Variants in UGT2A1 observed in about 807,000 individuals in gnomAD.
The protein encoded by UGT2A1 is UDP glucuronosyltransferase family 2 member A1 complex locus, also known as UDP-glucuronosyltransferase 2A1.
A neutral mutation model predicts 45.4 loss-of-function variants in UGT2A1; 61 were observed. That is an observed-to-expected ratio of 1.34 (90% CI 1.09 to 1.66). The LOEUF is 1.66. Among genes scored for constraint, UGT2A1 ranks in the 40% most tolerant of loss-of-function variants. The pLI is 0.00. For synonymous variants in UGT2A1, 229 were observed against 196.2 expected, an observed-to-expected ratio of 1.17 and a Z score of -1.40; for missense variants, 649 against 574.3, an observed-to-expected ratio of 1.13 and a Z score of -1.33.
chr4:69,589,213 G>T lies in UGT2A1; in HGVS notation c.*159C>A. On this transcript the variant is annotated 3_prime_UTR_variant, in exon 7 of 7. Coordinates refer to ENST00000286604, the MANE Select transcript of UGT2A1 (RefSeq NM_001252275.3). ...TAATAATAATCATGCCAAAATCTAG[G>T]CTTTATCAGTAGGCTTATCGCAGGT... The T allele has an allele frequency of 1.1e-6, 1 of 934,602 alleles. No individual in the cohort carries two copies. Among genetic ancestry groups the T allele is most frequent in the Non-Finnish European group, 1.5e-6 (1 of 671,604 alleles). 57.9% of individuals were successfully genotyped at this position (934,602 alleles called of 1,614,324 possible).
chr4:69,599,791 G>A, intron 3 of UGT2A1: 1 of 157,392 alleles, frequency 6.4e-6, no homozygotes, highest in Non-Finnish European at 1.4e-5. Context: ...AAGGAGGGAG[G>A]ATTTTTTGTT....
chr4:69,618,021 G>T (rs940464928), intron 3 of UGT2A1, among the ~76,000 whole-genome samples: 1 of 151,736 alleles, frequency 6.6e-6, no homozygotes, highest in African/African-American at 2.4e-5. Flanking sequence ...AATTTTCCAG[G>T]CCTTAAGAAT....
rs1410715062 is a variant in UGT2A1 at position 69,646,936 on chromosome 4, C to T, written c.709G>A (p.Ala237Thr). 2 of 1,574,576 alleles carry T rather than the reference C, an allele frequency of 1.3e-6. No homozygotes were observed. Among genetic ancestry groups the T allele is most frequent in the Non-Finnish European group, 1.7e-6 (2 of 1,164,656 alleles). The change falls in exon 2 of 7, where the codon GCT (alanine) becomes ACT (threonine). Residue 237 changes from alanine to threonine, a missense_variant. Transcript: ENST00000286604. ...AACAAAATTTGTTACATACCTAAAG[C>T]TTTACTATAGTATGAATCCCATGAT... The part of the protein sequence containing the change: ...WKSWDSYYSK[A>T]LGGLLLCCPG...
chr4:69,595,030 A>C, intron 5 of UGT2A1, 132 bp downstream of exon 5: 2 of 1,287,140 alleles, frequency 1.6e-6, no homozygotes, highest in Admixed American at 2.1e-5. Context: ...TTATGTAATT[A>C]TATCTGCTTT....
intron 3 of UGT2A1, among the ~76,000 whole-genome samples, chr4:69,601,374 T>G (rs1388080434): frequency 3.3e-5 from 5 of 152,108 alleles, no homozygotes; most frequent in Admixed American, 1.3e-4. Context: ...GGGAGCTCCA[T>G]GCCCTTCCCC....
chr4:69,611,390 C>A (rs530408492), intron 3 of UGT2A1, among the ~76,000 whole-genome samples: 7 of 151,502 alleles, frequency 4.6e-5, no homozygotes, highest in African/African-American at 1.5e-4. Flanking sequence ...ATAGAGGTAA[C>A]ATTATAGTCT....
chr4:69,627,648 A>G (rs544644969), intron 3 of UGT2A1, among the ~76,000 whole-genome samples: 1 of 151,940 alleles, frequency 6.6e-6, no homozygotes, highest in Non-Finnish European at 1.5e-5. Flanking sequence ...CCTAAGGCCA[A>G]TTCAAACTGT....
chr4:69,599,198 A>C, intron 4 of UGT2A1, 48 bp downstream of exon 4: 3 of 1,546,880 alleles, frequency 1.9e-6, no homozygotes, highest in Non-Finnish European at 2.6e-6. Flanking sequence ...AAGAAAATTA[A>C]GTATTTTATT....
At chr4:69,626,024 C>T (rs1721036397) in intron 3 of UGT2A1, among the ~76,000 whole-genome samples, 1 of 151,632 alleles carries the variant, frequency 6.6e-6, no homozygotes, top group South Asian at 2.1e-4. Context: ...CTAATTCTAT[C>T]ATGTATGTCA....
chr4:69,601,431 T>C (rs2109895107), intron 3 of UGT2A1, among the ~76,000 whole-genome samples: 1 of 152,126 alleles, frequency 6.6e-6, no homozygotes, highest in East Asian at 1.9e-4. Flanking sequence ...AGCACAAAAC[T>C]CACTTCTACC....
In UGT2A1 at chr4:69,605,740, T is replaced by C. The variant is rs1045682614; in HGVS notation, c.848-6346A>G. 2.2e-3 allele frequency among the ~76,000 whole-genome samples: 304 copies of C among 136,178 alleles called. 60 individuals are homozygous for C. Among genetic ancestry groups the C allele is most frequent in the Non-Finnish European group, 1.5e-3 (96 of 64,084 alleles). The allele number at this position is 136,178 out of a possible 152,430, so 89.3% of individuals were successfully genotyped here. A position where few individuals can be genotyped will look rare whatever the true frequency, so the allele number is the denominator to read the frequency against. On this transcript the variant is annotated intron_variant, in intron 3 of 6. Transcript: ENST00000286604. ...ATGCAATAAAAAATGATAAAGGGGA[T>C]ATCACCACCGATCCCACAGAAATAC...
chr4:69,622,814 T>C (rs1289770792), intron 3 of UGT2A1, among the ~76,000 whole-genome samples: 2 of 151,752 alleles, frequency 1.3e-5, no homozygotes, highest in Admixed American at 6.6e-5. Context: ...CTCAAACACA[T>C]TCATCCAGCG....
At chr4:69,612,793 A>G (rs1484855815) in intron 3 of UGT2A1, among the ~76,000 whole-genome samples, 3 of 151,846 alleles carry the variant, frequency 2.0e-5, no homozygotes, top group Admixed American at 2.0e-4. Flanking sequence ...AAAACCTAGG[A>G]TATTATGTAT....
At position 69,638,950 on chromosome 4, in the gene UGT2A1, T is replaced by C. The variant is rs201132679; in HGVS notation, c.716-3128A>G. On this transcript the variant is annotated intron_variant, in intron 2 of 6. Transcript: ENST00000286604. ...CATTCTCCCCAGTAGGACTGAAATATATAGTCTTGCAGAGAATAAGATATG... is the reference window on the plus strand; with the variant it reads ...CATTCTCCCCAGTAGGACTGAAATACATAGTCTTGCAGAGAATAAGATATG... 512 of 1,612,638 alleles carry C rather than the reference T, an allele frequency of 3.2e-4. 1 individual carries two copies. The African/African-American group carries it at 5.9e-3, about 19-fold the overall frequency.
At chr4:69,650,192 T>C (rs1722459099) in intron 1 of UGT2A1, among the ~76,000 whole-genome samples, 1 of 152,130 alleles carries the variant, frequency 6.6e-6, no homozygotes, top group East Asian at 1.9e-4. Flanking sequence ...TCTTGAGTAA[T>C]ACCTCAGATA....
At chr4:69,648,928 A>C (rs1482624242) in intron 1 of UGT2A1, among the ~76,000 whole-genome samples, 1 of 152,082 alleles carries the variant, frequency 6.6e-6, no homozygotes. Flanking sequence ...AAAATGTATC[A>C]CGTCCCCTTA....
chr4:69,625,555 A>G (rs1721008738), intron 3 of UGT2A1, among the ~76,000 whole-genome samples: 1 of 151,114 alleles, frequency 6.6e-6, no homozygotes, highest in South Asian at 2.1e-4. Context: ...TATCCAATGT[A>G]TTTTTAATTT....
intron 3 of UGT2A1, among the ~76,000 whole-genome samples, chr4:69,622,008 G>A (rs1720783545): frequency 6.6e-6 from 1 of 151,728 alleles, no homozygotes; most frequent in South Asian, 2.1e-4. Flanking sequence ...GCCTACTTGA[G>A]GGTGGATGGT....
At chr4:69,594,340 A>G in intron 6 of UGT2A1, 137 bp downstream of exon 6, 1 of 1,211,704 alleles carries the variant, frequency 8.3e-7, no homozygotes, top group Non-Finnish European at 1.1e-6. Context: ...AGTTTGGCAA[A>G]TAAAATAGTT....
Sources: allele counts gnomAD v4.1 joint callset (sites outside exome capture counted in the v4.1 genomes callset), GRCh38; gene constraint gnomAD v4.1.1; transcripts MANE v1.5; gene names NCBI Gene and HGNC (gene_info 2026-07-23, HGNC 2026-07-21).